PALD1: variants seen among roughly 807,000 people sequenced by gnomAD.
PALD1 encodes paladin.
In PALD1, 57 loss-of-function variants were observed where a neutral mutation model predicts 96.0. The observed-to-expected ratio is 0.59, with a 90% CI of 0.48 to 0.74. PALD1 has a LOEUF of 0.74. Ranked by LOEUF, PALD1 falls within the 30% of genes least tolerant of loss-of-function variation. PALD1 has a pLI of 0.00. For synonymous variants in PALD1, 464 were observed against 473.6 expected (o/e 0.98, Z 0.26); for missense variants, 1,063 against 1,143.7 (o/e 0.93, Z 1.02).
At position 70,504,899 on chromosome 10, in the gene PALD1, A is replaced by G. The variant is rs540028294; in HGVS notation, c.-29-21024A>G. 2.0e-5 allele frequency among the ~76,000 whole-genome samples: 3 copies of G among 152,350 alleles called. No homozygotes were observed. In the East Asian group the frequency reaches 5.8e-4, roughly 29 times the overall value. On this transcript the variant is annotated intron_variant, in intron 1 of 19. Transcript: ENST00000263563. ...TGACAGGTGGTTGATTCTTAAAGCT[A>G]GTTGAAATGTGGAATCTGAAAGCAC...
Position 70,539,317 on chromosome 10 carries a change from G to C in PALD1, c.1725+70G>C. ...GGGGAGTGGCCTGGGAGGGTCTTCA[G>C]AAGGCCTCACACTCCCGCAGACAGA... On this transcript the variant is annotated intron_variant, in intron 14 of 19. Coordinates refer to ENST00000263563, the MANE Select transcript of PALD1 (RefSeq NM_014431.3). This position sits in a 1 kb window ranked among gnomAD's most constrained non-coding sequence, Gnocchi z 4.5. 1 of 1,457,844 alleles carries C rather than the reference G, an allele frequency of 6.9e-7. No individual in the cohort carries two copies. Among genetic ancestry groups the C allele is most frequent in the Non-Finnish European group, 9.2e-7 (1 of 1,082,138 alleles). 90.3% of individuals were successfully genotyped at this position (1,457,844 alleles called of 1,614,324 possible). A position where few individuals can be genotyped will look rare whatever the true frequency, so the allele number is the denominator to read the frequency against.
intron 18 of PALD1, among the ~76,000 whole-genome samples, chr10:70,555,480 C>T (rs542952424): frequency 5.0e-5 from 7 of 138,786 alleles, no homozygotes; most frequent in African/African-American, 1.2e-4. Flanking sequence ...AGCCACGACC[C>T]GGGGGCAATC....
chr10:70,496,528 T>C (rs1483362557), intron 1 of PALD1, among the ~76,000 whole-genome samples: 1 of 152,176 alleles, frequency 6.6e-6, no homozygotes, highest in African/African-American at 2.4e-5. Flanking sequence ...GTATGAGCTG[T>C]TTTTATCTGG....
chr10:70,533,771 C>A, intron 7 of PALD1, 151 bp from the exon 8 acceptor site: 1 of 645,098 alleles, frequency 1.6e-6, no homozygotes, highest in Non-Finnish European at 2.5e-6. Context: ...CAGGCTGTGG[C>A]TTTGGCAGAA....
At chr10:70,551,949 T>C (rs1847488867) in intron 18 of PALD1, among the ~76,000 whole-genome samples, 1 of 152,258 alleles carries the variant, frequency 6.6e-6, no homozygotes, top group African/African-American at 2.4e-5. Context: ...ATTTTACTTT[T>C]GCCCGTTTCC....
At chr10:70,545,094 A>G (rs1847334311) in intron 17 of PALD1, among the ~76,000 whole-genome samples, 2 of 147,590 alleles carry the variant, frequency 1.4e-5, no homozygotes, top group African/African-American at 5.0e-5. Context: ...CCCCTCACTT[A>G]GTGGGGAGCA....
At chr10:70,563,877 C>A (rs551886256) in intron 18 of PALD1, among the ~76,000 whole-genome samples, 4 of 152,218 alleles carry the variant, frequency 2.6e-5, no homozygotes, top group Non-Finnish European at 1.5e-5. Flanking sequence ...GGCCACTGGT[C>A]AGAGCCCTCA....
At position 70,539,286 on chromosome 10, in the gene PALD1, G is replaced by A. The variant is rs1847186922; in HGVS notation, c.1725+39G>A. ...CCCTCTAGGCACCCCTGCCTCCGAG[G>A]CTTCTGGGGAGTGGCCTGGGAGGGT... On this transcript the variant is annotated intron_variant, in intron 14 of 19. Coordinates refer to ENST00000263563, the MANE Select transcript of PALD1 (RefSeq NM_014431.3). The surrounding 1 kb of genome is among the most constrained non-coding windows in gnomAD (Gnocchi z 4.5). 6.4e-7 allele frequency: 1 copy of A among 1,570,634 alleles called. No individual in the cohort carries two copies. The highest frequency in any genetic ancestry group is 8.6e-7 in the Non-Finnish European group (1 of 1,160,166).
chr10:70,518,102 G>A lies in PALD1; in HGVS notation c.-29-7821G>A, dbSNP rs142698639. ...ATTTTTAGTAGAGATGGGGTTTCTC[G>A]ATGTTGGTCAGGCTGGTCTCGAACT... On this transcript the variant is annotated intron_variant, in intron 1 of 19. Coordinates refer to ENST00000263563, the MANE Select transcript of PALD1 (RefSeq NM_014431.3). Among the ~76,000 whole-genome samples the A allele has an allele frequency of 8.7e-3, 1,315 of 151,746 alleles. 19 individuals are homozygous for A. The highest frequency in any genetic ancestry group is 0.031 in the African/African-American group (1,270 of 41,396).
intron 18 of PALD1, among the ~76,000 whole-genome samples, chr10:70,549,664 C>T (rs761214514): frequency 8.5e-5 from 13 of 152,208 alleles, no homozygotes; most frequent in Non-Finnish European, 1.5e-4. Flanking sequence ...AAAGGTGGTT[C>T]GGTGCCCGCA....
At chr10:70,467,944 C>A in the PALD1 span, among the ~76,000 whole-genome samples, 4 of 152,278 alleles carry the variant, frequency 2.6e-5, no homozygotes, top group African/African-American at 9.6e-5. Flanking sequence ...CCACCTGCCA[C>A]CAAATGGGCA....
chr10:70,461,618 A>G, the PALD1 span, among the ~76,000 whole-genome samples: 1 of 152,126 alleles, frequency 6.6e-6, no homozygotes, highest in Non-Finnish European at 1.5e-5. Context: ...ATGGGTACCC[A>G]TAGCAGTCCT....
intron 11 of PALD1, 57 bp from the exon 12 acceptor site, chr10:70,538,223 A>T: frequency 6.3e-7 from 1 of 1,579,086 alleles, no homozygotes; most frequent in Non-Finnish European, 8.6e-7. Flanking sequence ...GTGGGCAGGG[A>T]GGGTTCAGGA....
intron 1 of PALD1, among the ~76,000 whole-genome samples, chr10:70,521,279 T>G (rs750657314): frequency 5.3e-5 from 8 of 152,086 alleles, no homozygotes; most frequent in Non-Finnish European, 8.8e-5. Flanking sequence ...GGGTCAGCTC[T>G]AAAGAGGCAG....
Position 70,503,481 on chromosome 10 carries a change from C to G in PALD1, c.-29-22442C>G, listed in dbSNP as rs374214336. ...CAAAACCCCGTCTCTACTAAAAATACAAAAATTAGCCGGGCATGGTGGTGT... is the reference window on the plus strand; with the variant it reads ...CAAAACCCCGTCTCTACTAAAAATAGAAAAATTAGCCGGGCATGGTGGTGT... On this transcript the variant is annotated intron_variant, in intron 1 of 19. Transcript: ENST00000263563. Among the ~76,000 whole-genome samples, 9 of 152,022 alleles carry G rather than the reference C, an allele frequency of 5.9e-5. No individual in the cohort carries two copies. In the East Asian group the frequency reaches 1.4e-3, roughly 23 times the overall value.
chr10:70,482,958 G>C (rs559526978), intron 1 of PALD1, among the ~76,000 whole-genome samples: 68 of 152,316 alleles, frequency 4.5e-4, no homozygotes, highest in African/African-American at 1.6e-3. Flanking sequence ...TTGGTGGGAA[G>C]GGACCAGCGT....
chr10:70,535,812 C>T (rs1288651118), intron 10 of PALD1, among the ~76,000 whole-genome samples: 2 of 151,892 alleles, frequency 1.3e-5, no homozygotes, highest in Non-Finnish European at 2.9e-5. Flanking sequence ...GGGATTCGTC[C>T]ACCTCAACCT....
intron 1 of PALD1, among the ~76,000 whole-genome samples, chr10:70,480,714 C>T (rs1443618759): frequency 1.3e-5 from 2 of 152,234 alleles, no homozygotes; most frequent in Non-Finnish European, 2.9e-5. Context: ...TCACCCGAAG[C>T]CCTTGGCTGG....
At position 70,540,199 on chromosome 10, in the gene PALD1, T is replaced by C. The variant is rs1248185975; in HGVS notation, c.1908+437T>C. Among the ~76,000 whole-genome samples the C allele has an allele frequency of 6.6e-6, 1 of 151,690 alleles. No homozygotes were observed. Among genetic ancestry groups the C allele is most frequent in the Non-Finnish European group, 1.5e-5 (1 of 67,930 alleles). On this transcript the variant is annotated intron_variant, in intron 15 of 19. Coordinates refer to ENST00000263563, the MANE Select transcript of PALD1 (RefSeq NM_014431.3). This position sits in a 1 kb window ranked among gnomAD's most constrained non-coding sequence, Gnocchi z 4.2. Reference sequence around the variant, plus strand: ...GTATTTGTTATAAGGTGTGTGTGTGTGTTGAGGGTGAACATGTCCAGGGTG... The same window carrying C: ...GTATTTGTTATAAGGTGTGTGTGTGCGTTGAGGGTGAACATGTCCAGGGTG...
Sources: allele counts gnomAD v4.1 joint callset (sites outside exome capture counted in the v4.1 genomes callset), GRCh38; gene constraint gnomAD v4.1.1; non-coding constraint Gnocchi (gnomAD v3.1); transcripts MANE v1.5; gene names NCBI Gene and HGNC (gene_info 2026-07-23, HGNC 2026-07-21).